The following PHF2 variants were observed in gnomAD, a reference collection of about 807,000 sequenced individuals.
The protein encoded by PHF2 is lysine-specific demethylase PHF2.
PHF2 carries 27 observed loss-of-function variants against 120.5 expected under a neutral mutation model. The observed-to-expected ratio is 0.22, with a 90% CI of 0.17 to 0.31. The LOEUF (loss-of-function observed/expected upper bound fraction) is 0.31, where lower values mean the gene tolerates loss of function less well. PHF2 is among the 10% of genes least tolerant of loss of function. PHF2 has a pLI of 1.00. For missense variants in PHF2, 1,024 were observed against 1,434.8 expected, an observed-to-expected ratio of 0.71 and a Z score of 4.63; for synonymous variants, 568 against 592.5, an observed-to-expected ratio of 0.96 and a Z score of 0.60.
chr9:93,670,469 G>A (rs1191675925), intron 17 of PHF2, among the ~76,000 whole-genome samples: 1 of 152,246 alleles, frequency 6.6e-6, no homozygotes, highest in African/African-American at 2.4e-5. Flanking sequence ...GAGTTTCTGG[G>A]TGGGGCCTGG....
intron 14 of PHF2, 25 bp downstream of exon 14, chr9:93,663,660 G>T: frequency 1.4e-6 from 2 of 1,405,034 alleles, no homozygotes; most frequent in East Asian, 2.3e-5. Flanking sequence ...GGATGGGAGG[G>T]GTGACCTCGC....
rs1826248082 is a variant in PHF2, at chr9:93,645,803, C to G, written c.460+14C>G. On this transcript the variant is annotated intron_variant, in intron 4 of 21. Transcript: ENST00000359246. ...AGAACTACGTGGGTAAGCGCCATCC[C>G]CTTCACAGTGCTCTGGGGCTGGAGC... is the stretch of plus-strand genomic sequence containing the variant. The G allele has an allele frequency of 6.4e-7, 1 of 1,563,390 alleles. No homozygotes were observed. The highest frequency in any genetic ancestry group is 8.7e-7 in the Non-Finnish European group (1 of 1,151,084).
chr9:93,600,922 C>T (rs1825428032), intron 1 of PHF2, among the ~76,000 whole-genome samples: 1 of 152,180 alleles, frequency 6.6e-6, no homozygotes, highest in Non-Finnish European at 1.5e-5. Flanking sequence ...AGGTGCTTGT[C>T]CACCACATTC....
intron 3 of PHF2, among the ~76,000 whole-genome samples, chr9:93,640,889 A>G (rs939550570): frequency 2.6e-5 from 4 of 152,200 alleles, no homozygotes; most frequent in African/African-American, 9.7e-5. Context: ...CTATAGCTCT[A>G]GGTGCCAGAG....
intron 6 of PHF2, among the ~76,000 whole-genome samples, chr9:93,654,076 C>A (rs1021177103): frequency 6.6e-6 from 1 of 152,194 alleles, no homozygotes; most frequent in Non-Finnish European, 1.5e-5. Context: ...TTTGACCCAG[C>A]CTGAGATCCA....
At chr9:93,660,852 G>T (rs182523449) in intron 12 of PHF2, among the ~76,000 whole-genome samples, 39 of 152,332 alleles carry the variant, frequency 2.6e-4, no homozygotes, top group Non-Finnish European at 4.7e-4. Context: ...ACTGAGGAAG[G>T]CAACACAATG....
In PHF2 at chr9:93,660,301, C is replaced by T. The variant is rs146063352; in HGVS notation, c.1439C>T (p.Pro480Leu). The change falls in exon 12 of 22, where the codon CCG becomes CTG. Residue 480 changes from proline (P) to leucine (L), a missense_variant. By Grantham distance (98) the Pro-to-Leu change is moderately conservative. Around this residue, in one of 2 missense-constraint regions of PHF2, gnomAD observed 677 missense variants for 857.4 expected, o/e 0.79. Coordinates refer to ENST00000359246, the MANE Select transcript of PHF2 (RefSeq NM_005392.4). ...CCCCCGTCTCCCATTGAGGCCACCC[C>T]GCCTCAATCCCTCCTGGAGAAAGTG... is the stretch of plus-strand genomic sequence containing the variant. ...EEPPSPIEAT[P>L]PQSLLEKVSK... The T allele has an allele frequency of 3.3e-3, 5,369 of 1,610,468 alleles. 9 individuals are homozygous for T. Among genetic ancestry groups the T allele is most frequent in the Non-Finnish European group, 4.2e-3 (4,912 of 1,178,748 alleles).
intron 17 of PHF2, chr9:93,670,956 G>A: frequency 1.0e-6 from 1 of 968,124 alleles, no homozygotes; most frequent in Non-Finnish European, 1.2e-6. Flanking sequence ...AGAAGTGGGT[G>A]AACTTGGACT....
At position 93,660,246 on chromosome 9, in the gene PHF2, G is replaced by A. The variant is rs147020467; in HGVS notation, c.1384G>A (p.Val462Met). 7.1e-4 allele frequency: 1,144 copies of A among 1,604,752 alleles called. 8 individuals carry two copies. The highest frequency in any genetic ancestry group is 1.7e-3 in the Middle Eastern group (10 of 6,008). Residue 462 changes from valine (V) to methionine (M), a missense_variant, in exon 12 of 22, where the codon GTG (valine) becomes ATG (methionine). Physicochemically the swap from Val to Met is conservative, Grantham distance 21 (BLOSUM62 1). Coordinates refer to ENST00000359246, the MANE Select transcript of PHF2 (RefSeq NM_005392.4). ...GAATACTGTCGCCTCGTCAGATGAG[G>A]TGTGTGACGGGGACCGGGAGAAGGA... ...EVNTVASSDE[V>M]CDGDREKEEP...
chr9:93,610,338 A>G lies in PHF2; in HGVS notation c.99-19632A>G, dbSNP rs150574798. On this transcript the variant is annotated intron_variant, in intron 1 of 21. Transcript: ENST00000359246. The stretch of plus-strand genomic sequence containing the variant: ...CTCAGTTTGGGAAGTTTCTATTGGC[A>G]TATCTTCAGGCTCTCTGATTCTTTC... Among the ~76,000 whole-genome samples the G allele has an allele frequency of 3.4e-4, 52 of 152,170 alleles. No individual in the cohort carries two copies. In the East Asian group the frequency reaches 4.6e-3, roughly 14 times the overall value.
chr9:93,594,252 G>T (rs1825289880), intron 1 of PHF2, among the ~76,000 whole-genome samples: 1 of 149,824 alleles, frequency 6.7e-6, no homozygotes, highest in Admixed American at 6.7e-5. Flanking sequence ...GCCTGTGTTG[G>T]CCAGAGCTAC....
chr9:93,604,541 TGCAAGCTCCGCCTCCCGGGTTCACG>T (rs1825504623), intron 1 of PHF2, among the ~76,000 whole-genome samples: 1 of 151,602 alleles, frequency 6.6e-6, no homozygotes, highest in Non-Finnish European at 1.5e-5. Flanking sequence ...CTCGGCTCAC[TGCAAGCTCCGCCTCCCGGGTTCACG>T]CCATTCTCCT....
intron 18 of PHF2, among the ~76,000 whole-genome samples, chr9:93,674,351 G>T (rs35137913): frequency 0.13 from 20,085 of 151,918 alleles, 1,538 homozygotes; most frequent in African/African-American, 0.21. Flanking sequence ...ACCTAGACCC[G>T]CCAGGCAGGG....
At chr9:93,616,270 A>T (rs909239183) in intron 1 of PHF2, among the ~76,000 whole-genome samples, 1 of 152,226 alleles carries the variant, frequency 6.6e-6, no homozygotes, top group African/African-American at 2.4e-5. Flanking sequence ...CTTTGTGTGC[A>T]TATGTACATT....
At chr9:93,630,112 C>T in intron 2 of PHF2, 57 bp downstream of exon 2, 1 of 1,538,464 alleles carries the variant, frequency 6.5e-7, no homozygotes, top group African/African-American at 1.4e-5. Flanking sequence ...ATCCACCCTG[C>T]CTGGGCTGCG....
At chr9:93,594,140 C>G (rs1002668419) in intron 1 of PHF2, among the ~76,000 whole-genome samples, 1 of 152,088 alleles carries the variant, frequency 6.6e-6, no homozygotes, top group Non-Finnish European at 1.5e-5. Flanking sequence ...ACACCTCACC[C>G]TTCCGGAGAT....
intron 5 of PHF2, among the ~76,000 whole-genome samples, chr9:93,651,890 T>C (rs1826375764): frequency 6.6e-6 from 1 of 152,260 alleles, no homozygotes; most frequent in African/African-American, 2.4e-5. Flanking sequence ...TGGCTGGAGA[T>C]GGGTCATGAG....
At chr9:93,636,595 C>T (rs774752399) in intron 3 of PHF2, 70 bp downstream of exon 3, 27 of 1,113,480 alleles carry the variant, frequency 2.4e-5, no homozygotes, top group South Asian at 8.2e-5. Context: ...TCCCTTGTCC[C>T]GCTATCCATT....
rs572299141 is a variant in PHF2, at chr9:93,665,616, C to T, written c.1938-70C>T. On this transcript the variant is annotated intron_variant, in intron 14 of 21. Coordinates refer to ENST00000359246, the MANE Select transcript of PHF2 (RefSeq NM_005392.4). ...GCCGCGGCCCTGGCAGAGGACCCCT[C>T]GGGAGGTCCTACCTGTCCGCTGGCT... 91 of 1,541,748 alleles carry T rather than the reference C, an allele frequency of 5.9e-5. No homozygotes were observed. In the Middle Eastern group the frequency reaches 6.6e-4, roughly 11 times the overall value.
Sources: gnomAD v4.1 joint callset for allele counts (sites outside exome capture counted in the v4.1 genomes callset) on GRCh38, gnomAD v4.1.1 for gene constraint, gnomAD v4.1.1 regional missense constraint, MANE v1.5 for transcripts, NCBI Gene and HGNC (gene_info 2026-07-23, HGNC 2026-07-21) for gene names.